The following ROBO2 variants were observed in gnomAD, a reference collection of about 807,000 sequenced individuals.
The protein encoded by ROBO2 is roundabout guidance receptor 2, also known as roundabout homolog 2.
In ROBO2, 53 loss-of-function variants were observed where a neutral mutation model predicts 160.8. The ratio of observed to expected loss-of-function variants is 0.33; its 90% CI spans 0.26 to 0.41. The LOEUF is 0.41. Ranked by LOEUF, ROBO2 falls within the 10% of genes least tolerant of loss-of-function variation. The pLI is 1.00. For missense variants in ROBO2, 1,577 were observed against 1,722.4 expected, an observed-to-expected ratio of 0.92 and a Z score of 1.49; for synonymous variants, 664 against 611.7, an observed-to-expected ratio of 1.09 and a Z score of -1.26.
chr3:77,358,573 A>G (rs1161441195), intron 2 of ROBO2, among the ~76,000 whole-genome samples: 2 of 152,246 alleles, frequency 1.3e-5, no homozygotes, highest in Admixed American at 1.3e-4. Context: ...TGAACTTGGT[A>G]GATATTGAGC....
intron 2 of ROBO2, among the ~76,000 whole-genome samples, chr3:76,534,895 G>A (rs1248432023): frequency 6.6e-6 from 1 of 152,030 alleles, no homozygotes; most frequent in Non-Finnish European, 1.5e-5. Context: ...TGATGGGAAG[G>A]AAATGGGCTG....
intron 2 of ROBO2, among the ~76,000 whole-genome samples, chr3:77,374,681 A>C (rs1486482030): frequency 1.3e-5 from 2 of 152,134 alleles, no homozygotes; most frequent in Non-Finnish European, 2.9e-5. Flanking sequence ...TATAGAGTTT[A>C]CCATGTTGGT....
chr3:76,676,025 A>C (rs913262501), intron 2 of ROBO2, among the ~76,000 whole-genome samples: 1 of 152,188 alleles, frequency 6.6e-6, no homozygotes, highest in Non-Finnish European at 1.5e-5. Context: ...CATAATCAGA[A>C]CATATGCTAT....
At chr3:76,373,134 T>C (rs1450379060) in intron 2 of ROBO2, among the ~76,000 whole-genome samples, 1 of 151,954 alleles carries the variant, frequency 6.6e-6, no homozygotes, top group Non-Finnish European at 1.5e-5. Flanking sequence ...AACTAGAGAA[T>C]CTAAGTCAAA....
intron 2 of ROBO2, among the ~76,000 whole-genome samples, chr3:76,980,201 G>A (rs1052419304): frequency 3.9e-5 from 6 of 152,212 alleles, no homozygotes; most frequent in African/African-American, 1.4e-4. Context: ...TGTATATAAT[G>A]TGAAGGCTGA....
intron 1 of ROBO2, among the ~76,000 whole-genome samples, chr3:75,935,835 C>T (rs540870937): frequency 1.3e-5 from 2 of 152,236 alleles, no homozygotes; most frequent in East Asian, 3.9e-4. Flanking sequence ...TTGTTCAGAG[C>T]ATAGGCTTTG....
Position 76,434,808 on chromosome 3 carries a change from G to A in ROBO2, c.109+497206G>A. 2.0e-6 allele frequency: 3 copies of A among 1,469,826 alleles called. No individual in the cohort carries two copies. In the South Asian group the frequency reaches 3.4e-5, roughly 17 times the overall value. The allele number at this position is 1,469,826 out of a possible 1,614,324, so 91.0% of individuals were successfully genotyped here. A position where few individuals can be genotyped will look rare whatever the true frequency, so the allele number is the denominator to read the frequency against. On this transcript the variant is annotated intron_variant, in intron 2 of 26. Transcript: ENST00000487694. ...TAATCAGGGGGAGAGCATCACACAT[G>A]CCCTGAATCATGTATCTGATGACAT...
chr3:75,942,166 A>T (rs1009345994), intron 2 of ROBO2, among the ~76,000 whole-genome samples: 10 of 152,286 alleles, frequency 6.6e-5, no homozygotes, highest in Middle Eastern at 3.4e-3. Context: ...AAAATCTCAG[A>T]TCATGTGATC....
At chr3:76,597,969 CAT>C (rs1271052601) in intron 2 of ROBO2, among the ~76,000 whole-genome samples, 1 of 152,040 alleles carries the variant, frequency 6.6e-6, no homozygotes, top group African/African-American at 2.4e-5. Context: ...ACAACTTGCA[CAT>C]GAGTATTTAC....
At chr3:76,448,631 T>C (rs2077320700) in intron 2 of ROBO2, among the ~76,000 whole-genome samples, 1 of 152,222 alleles carries the variant, frequency 6.6e-6, no homozygotes, top group Non-Finnish European at 1.5e-5. Context: ...CATTATAAAA[T>C]GTATTCTTCA....
intron 2 of ROBO2, among the ~76,000 whole-genome samples, chr3:76,148,752 T>A (rs2072023290): frequency 6.6e-6 from 1 of 152,084 alleles, no homozygotes; most frequent in Non-Finnish European, 1.5e-5. Flanking sequence ...AGACACTTCA[T>A]TTTCTTTCCT....
At chr3:76,897,712 CTT>C (rs11298034) in intron 2 of ROBO2, among the ~76,000 whole-genome samples, 91 of 145,458 alleles carry the variant, frequency 6.3e-4, no homozygotes, top group African/African-American at 2.0e-3. Flanking sequence ...GTGGCCCTCA[CTT>C]TTTTTTTTTT....
intron 1 of ROBO2, among the ~76,000 whole-genome samples, chr3:75,930,338 C>T (rs1947481941): frequency 1.3e-5 from 2 of 152,132 alleles, no homozygotes; most frequent in Admixed American, 1.3e-4. Context: ...TGCTCCCTCA[C>T]AATCCATCCG....
At chr3:76,362,354 G>A (rs1262330665) in intron 2 of ROBO2, among the ~76,000 whole-genome samples, 1 of 151,892 alleles carries the variant, frequency 6.6e-6, no homozygotes, top group Non-Finnish European at 1.5e-5. Context: ...ACAGACCTGG[G>A]TTAAGACCTT....
At chr3:77,558,057 A>T in exon 9 of ROBO2, 1 of 1,613,286 alleles carries the variant, frequency 6.2e-7, no homozygotes, top group Non-Finnish European at 8.5e-7. Context: ...TCTTCCTGTA[A>T]TTAGCTGGTT....
intron 2 of ROBO2, among the ~76,000 whole-genome samples, chr3:76,425,040 T>C (rs1257575827): frequency 6.6e-6 from 1 of 152,110 alleles, no homozygotes; most frequent in Non-Finnish European, 1.5e-5. Flanking sequence ...TCCTGCATAA[T>C]CTGGCCTCCT....
chr3:76,574,001 A>T (rs2108629889), intron 2 of ROBO2, among the ~76,000 whole-genome samples: 1 of 152,260 alleles, frequency 6.6e-6, no homozygotes, highest in Non-Finnish European at 1.5e-5. Flanking sequence ...ATTGAAATTA[A>T]TCATGGTTAT....
intron 2 of ROBO2, among the ~76,000 whole-genome samples, chr3:76,670,873 T>A (rs894636266): frequency 6.6e-6 from 1 of 151,928 alleles, no homozygotes; most frequent in East Asian, 1.9e-4. Context: ...TTTTTTAAAA[T>A]TGGTCATTTT....
At chr3:76,485,089 G>C (rs1242522590) in intron 2 of ROBO2, among the ~76,000 whole-genome samples, 1 of 152,000 alleles carries the variant, frequency 6.6e-6, no homozygotes, top group Admixed American at 6.6e-5. Context: ...GGTGGTGGCG[G>C]GGATGGTTTC....
Sources: allele counts gnomAD v4.1 joint callset (sites outside exome capture counted in the v4.1 genomes callset), GRCh38; gene constraint gnomAD v4.1.1; transcripts MANE v1.5; gene names NCBI Gene and HGNC (gene_info 2026-07-23, HGNC 2026-07-21).